The following INO80C variants were observed in gnomAD, a reference collection of about 807,000 sequenced individuals.
The protein encoded by INO80C is IES6 homolog.
A neutral mutation model predicts 17.7 loss-of-function variants in INO80C; 17 were observed. That is an observed-to-expected ratio of 0.96 (90% CI 0.66 to 1.44). The LOEUF is 1.44. INO80C is among the 40% of genes most tolerant of loss of function. The probability of loss-of-function intolerance (pLI) is 0.00; values close to 1 mark genes in which losing one functional copy is unlikely to be tolerated. For missense variants in INO80C, 244 were observed against 245.0 expected (o/e 1.00, Z 0.03); for synonymous variants, 96 against 95.8 (o/e 1.00, Z -0.01).
intron 2 of INO80C, 32 bp downstream of exon 2, chr18:35,480,421 A>C: frequency 7.1e-7 from 1 of 1,416,740 alleles, no homozygotes. Flanking sequence ...TGGCATTTGG[A>C]TGTTTATTCA....
intron 4 of INO80C, among the ~76,000 whole-genome samples, chr18:35,473,400 C>T (rs534076340): frequency 2.0e-5 from 3 of 152,168 alleles, no homozygotes; most frequent in Non-Finnish European, 4.4e-5. Context: ...AATTTCCTGA[C>T]CATGGGGCAG....
chr18:35,491,356 GA>G (rs1236970430), intron 1 of INO80C, among the ~76,000 whole-genome samples: 2 of 152,150 alleles, frequency 1.3e-5, no homozygotes, highest in Non-Finnish European at 2.9e-5. Flanking sequence ...AGAAGAGGAT[GA>G]AAATGACACA....
At chr18:35,497,193 A>G (rs531480302) in intron 1 of INO80C, 9 of 244,664 alleles carry the variant, frequency 3.7e-5, no homozygotes, top group Non-Finnish European at 5.9e-5. Flanking sequence ...TACACTCATT[A>G]CTTCATAACC....
chr18:35,497,243 T>C (rs2045992398), intron 1 of INO80C: 1 of 725,604 alleles, frequency 1.4e-6, no homozygotes, highest in Non-Finnish European at 1.7e-6. Context: ...TGCCTTTGGA[T>C]TGGGAAACCC....
intron 1 of INO80C, among the ~76,000 whole-genome samples, chr18:35,482,814 C>T (rs2045828760): frequency 6.6e-6 from 1 of 152,166 alleles, no homozygotes; most frequent in Non-Finnish European, 1.5e-5. Context: ...TGGTAACTTC[C>T]TGAGCTATAT....
At chr18:35,493,090 C>T (rs975666447) in intron 1 of INO80C, among the ~76,000 whole-genome samples, 8 of 152,174 alleles carry the variant, frequency 5.3e-5, no homozygotes, top group African/African-American at 1.9e-4. Flanking sequence ...ACTGTGTGAG[C>T]TTGGGCAAGT....
chr18:35,469,200 G>A (rs2045639542), intron 4 of INO80C, among the ~76,000 whole-genome samples: 1 of 152,120 alleles, frequency 6.6e-6, no homozygotes, highest in African/African-American at 2.4e-5. Context: ...AACACCCCCT[G>A]CGCCACTTCC....
At position 35,479,910 on chromosome 18, in the gene INO80C, A is replaced by C. The variant is rs527310418; in HGVS notation, c.268-499T>G. Among the ~76,000 whole-genome samples the C allele has an allele frequency of 5.3e-5, 8 of 151,836 alleles. No individual in the cohort carries two copies. In the East Asian group the frequency reaches 1.4e-3, roughly 26 times the overall value. The stretch of plus-strand genomic sequence containing the variant: ...CTTTTTTTTTTTTTTTATCCTACAA[A>C]GATGACACAATAAAATGGAAAAGAA... On this transcript the variant is annotated intron_variant, in intron 2 of 4. Coordinates refer to ENST00000334598, the MANE Select transcript of INO80C (RefSeq NM_194281.4).
At chr18:35,489,945 A>G (rs1037424020) in intron 1 of INO80C, among the ~76,000 whole-genome samples, 10 of 152,064 alleles carry the variant, frequency 6.6e-5, no homozygotes, top group Admixed American at 6.5e-4. Flanking sequence ...GTCCTTATGT[A>G]AGAGAATGAC....
chr18:35,486,113 C>T (rs1266250069), intron 1 of INO80C, among the ~76,000 whole-genome samples: 1 of 152,132 alleles, frequency 6.6e-6, no homozygotes, highest in Admixed American at 6.5e-5. Context: ...GAGCCCCTGT[C>T]TCTAAAAGAA....
At chr18:35,497,216 T>C (rs1472018764) in intron 1 of INO80C, 1 of 392,724 alleles carries the variant, frequency 2.5e-6, no homozygotes, top group African/African-American at 2.2e-5. Flanking sequence ...AACAAGCCCA[T>C]GAGTTAAGAC....
chr18:35,471,293 C>T (rs2045666222), intron 4 of INO80C, among the ~76,000 whole-genome samples: 1 of 152,254 alleles, frequency 6.6e-6, no homozygotes, highest in Non-Finnish European at 1.5e-5. Context: ...GGAGAAACCA[C>T]TGCTAAGTGG....
intron 4 of INO80C, among the ~76,000 whole-genome samples, chr18:35,476,271 C>G (rs1355680800): frequency 6.6e-6 from 1 of 152,170 alleles, no homozygotes; most frequent in African/African-American, 2.4e-5. Flanking sequence ...TCATTAAAAA[C>G]AAGGACAACC....
chr18:35,497,706 C>G lies in INO80C; in HGVS notation c.156+13G>C. The G allele has an allele frequency of 3.1e-6, 5 of 1,608,240 alleles. No individual in the cohort carries two copies. The highest frequency in any genetic ancestry group is 4.2e-6 in the Non-Finnish European group (5 of 1,177,650). Reference sequence around the variant, plus strand: ...GCGACGCGCACGCGCAGCCTGGGAGCGCGACTGCGTACCTGCGCAAAGCTG... The same window carrying G: ...GCGACGCGCACGCGCAGCCTGGGAGGGCGACTGCGTACCTGCGCAAAGCTG... On this transcript the variant is annotated intron_variant, in intron 1 of 4. Transcript: ENST00000334598.
chr18:35,486,527 C>G (rs1372569193), intron 1 of INO80C, among the ~76,000 whole-genome samples: 1 of 152,072 alleles, frequency 6.6e-6, no homozygotes, highest in Non-Finnish European at 1.5e-5. Flanking sequence ...AATTATATCT[C>G]AGTAAAGCTA....
At chr18:35,493,958 C>T (rs2045955188) in intron 1 of INO80C, among the ~76,000 whole-genome samples, 1 of 152,198 alleles carries the variant, frequency 6.6e-6, no homozygotes, top group African/African-American at 2.4e-5. Context: ...TAGAAAAACA[C>T]TCACTTCCCC....
chr18:35,474,428 T>C (rs1039849156), intron 4 of INO80C, among the ~76,000 whole-genome samples: 2 of 151,262 alleles, frequency 1.3e-5, no homozygotes, highest in African/African-American at 4.9e-5. Context: ...TGGCTCACAT[T>C]GGTAATCCCA....
intron 1 of INO80C, among the ~76,000 whole-genome samples, chr18:35,490,284 C>T (rs1179661337): frequency 6.6e-6 from 1 of 152,140 alleles, no homozygotes; most frequent in East Asian, 1.9e-4. Context: ...TAGAGTGTGC[C>T]ACAGGACTAC....
At chr18:35,479,476 C>A in intron 2 of INO80C, 65 bp from the exon 3 acceptor site, 1 of 937,318 alleles carries the variant, frequency 1.1e-6, no homozygotes, top group Non-Finnish European at 1.7e-6. Context: ...CGACATCTGA[C>A]ATTTATGCCT....
Sources: gnomAD v4.1 joint callset for allele counts (sites outside exome capture counted in the v4.1 genomes callset) on GRCh38, gnomAD v4.1.1 for gene constraint, MANE v1.5 for transcripts, NCBI Gene and HGNC (gene_info 2026-07-23, HGNC 2026-07-21) for gene names.